The following ATG10 variants were observed in gnomAD, a reference collection of about 807,000 sequenced individuals.
The protein encoded by ATG10 is ubiquitin-like-conjugating enzyme ATG10.
A neutral mutation model predicts 32.1 loss-of-function variants in ATG10; 30 were observed. The ratio of observed to expected loss-of-function variants is 0.94; its 90% CI spans 0.70 to 1.27. ATG10 has a LOEUF of 1.27. ATG10 is among the 50% of genes most tolerant of loss of function. ATG10 has a pLI of 0.00. For missense variants in ATG10, 233 were observed against 262.3 expected, an observed-to-expected ratio of 0.89 and a Z score of 0.77; for synonymous variants, 87 against 91.5, an observed-to-expected ratio of 0.95 and a Z score of 0.28.
At chr5:82,025,973 T>A (rs1762582148) in intron 2 of ATG10, among the ~76,000 whole-genome samples, 1 of 152,226 alleles carries the variant, frequency 6.6e-6, no homozygotes, top group African/African-American at 2.4e-5. Context: ...AGAAAAATTT[T>A]AATTTTGGTA....
intron 5 of ATG10, among the ~76,000 whole-genome samples, chr5:82,187,221 T>C (rs891049201): frequency 4.0e-5 from 6 of 150,262 alleles, no homozygotes; most frequent in African/African-American, 1.5e-4. Context: ...AAAAGGCATA[T>C]GGGCCAGGCA....
At chr5:82,169,729 G>A (rs981306276) in intron 4 of ATG10, among the ~76,000 whole-genome samples, 1 of 152,070 alleles carries the variant, frequency 6.6e-6, no homozygotes, top group Non-Finnish European at 1.5e-5. Flanking sequence ...CATGAATTTT[G>A]GTGAATTAAA....
chr5:82,205,080 G>C (rs967330505), intron 5 of ATG10, among the ~76,000 whole-genome samples: 2 of 152,218 alleles, frequency 1.3e-5, no homozygotes, highest in Admixed American at 6.5e-5. Context: ...AGAGATTCTT[G>C]AGCCCTGGAG....
At chr5:82,211,827 C>T (rs933154029) in intron 5 of ATG10, among the ~76,000 whole-genome samples, 1 of 152,246 alleles carries the variant, frequency 6.6e-6, no homozygotes, top group African/African-American at 2.4e-5. Context: ...ACTGTTACCA[C>T]CTCCACATCT....
intron 5 of ATG10, among the ~76,000 whole-genome samples, chr5:82,234,703 A>G (rs1007219114): frequency 6.6e-6 from 1 of 152,052 alleles, no homozygotes; most frequent in African/African-American, 2.4e-5. Context: ...TTATATGTCA[A>G]CCTCTTAGTA....
At chr5:82,224,478 G>A (rs1041402428) in intron 5 of ATG10, among the ~76,000 whole-genome samples, 1 of 152,186 alleles carries the variant, frequency 6.6e-6, no homozygotes, top group Non-Finnish European at 1.5e-5. Context: ...GGAGTAGTTA[G>A]AAATAATTTT....
At chr5:81,988,183 C>G (rs1038434952) in intron 2 of ATG10, among the ~76,000 whole-genome samples, 4 of 152,234 alleles carry the variant, frequency 2.6e-5, no homozygotes, top group African/African-American at 4.8e-5. Flanking sequence ...GTCCCCCACG[C>G]TGGAGTGCAG....
At chr5:82,141,508 G>T (rs1020381066) in intron 3 of ATG10, among the ~76,000 whole-genome samples, 1 of 151,456 alleles carries the variant, frequency 6.6e-6, no homozygotes, top group Non-Finnish European at 1.5e-5. Context: ...GTTTGGAGAG[G>T]GTATAAAAAT....
intron 5 of ATG10, among the ~76,000 whole-genome samples, chr5:82,236,772 C>A (rs1344909819): frequency 6.6e-6 from 1 of 152,122 alleles, no homozygotes; most frequent in Non-Finnish European, 1.5e-5. Context: ...AATTAACAGG[C>A]CAAAAATGTC....
intron 2 of ATG10, among the ~76,000 whole-genome samples, chr5:82,000,074 A>G (rs1343298778): frequency 2.0e-5 from 3 of 152,168 alleles, no homozygotes; most frequent in South Asian, 4.1e-4. Context: ...TCAACAAAAT[A>G]CTGGCAAACC....
intron 3 of ATG10, among the ~76,000 whole-genome samples, chr5:82,156,118 G>A (rs927462585): frequency 1.3e-5 from 2 of 149,896 alleles, no homozygotes; most frequent in African/African-American, 2.5e-5. Context: ...TAGGTTAATG[G>A]AAGTGCATTT....
intron 3 of ATG10, among the ~76,000 whole-genome samples, chr5:82,157,662 G>A (rs1767858123): frequency 6.6e-6 from 1 of 152,166 alleles, no homozygotes; most frequent in African/African-American, 2.4e-5. Flanking sequence ...ATTTTTCAGT[G>A]GTTTATCAGA....
Position 82,254,927 on chromosome 5 carries a change from T to TGTGTGTGG in ATG10, c.*865_*866insTGTGTGGG, listed in dbSNP as rs1408989493. ...GTGTGTGTGTGTGTGTGTGTATGTG[T>TGTGTGTGG]GGGTGTTTGTGTAGATAGTTGTAAA... On this transcript the variant is annotated 3_prime_UTR_variant, in exon 8 of 8. Coordinates refer to ENST00000282185, the MANE Select transcript of ATG10 (RefSeq NM_031482.5). 6.6e-6 allele frequency: 1 copy of TGTGTGTGG among 151,902 alleles called. No homozygotes were observed. The highest frequency in any genetic ancestry group is 2.1e-4 in the South Asian group (1 of 4,808). 9.4% of individuals were successfully genotyped at this position (151,902 alleles called of 1,614,324 possible). A position where few individuals can be genotyped will look rare whatever the true frequency, so the allele number is the denominator to read the frequency against.
At chr5:82,073,793 C>CGA (rs1764196249) in intron 3 of ATG10, 2 of 152,312 alleles carry the variant, frequency 1.3e-5, no homozygotes, top group South Asian at 4.1e-4. Flanking sequence ...TCATTACAAT[C>CGA]CCTACCTCGC....
chr5:81,984,587 G>T (rs1389116781), intron 1 of ATG10, among the ~76,000 whole-genome samples: 9 of 152,342 alleles, frequency 5.9e-5, no homozygotes, highest in Non-Finnish European at 1.0e-4. Flanking sequence ...ACATATCTAA[G>T]ATTTTTCATT....
intron 3 of ATG10, among the ~76,000 whole-genome samples, chr5:82,130,875 G>T (rs1202754738): frequency 6.6e-6 from 1 of 152,136 alleles, no homozygotes; most frequent in East Asian, 1.9e-4. Context: ...CATAGGAAAA[G>T]TTGTAAAAGT....
chr5:82,173,052 T>C (rs1743865123), intron 4 of ATG10, among the ~76,000 whole-genome samples: 1 of 152,204 alleles, frequency 6.6e-6, no homozygotes, highest in Admixed American at 6.5e-5. Flanking sequence ...ACATTTTTTG[T>C]TGTGAAAAAT....
intron 2 of ATG10, among the ~76,000 whole-genome samples, chr5:81,997,311 G>A (rs1561246430): frequency 6.6e-6 from 1 of 152,186 alleles, no homozygotes; most frequent in Non-Finnish European, 1.5e-5. Flanking sequence ...AACCTTGTGG[G>A]GCCAGAGAAC....
chr5:82,196,979 G>A (rs1320306350), intron 5 of ATG10, among the ~76,000 whole-genome samples: 1 of 152,158 alleles, frequency 6.6e-6, no homozygotes, highest in Non-Finnish European at 1.5e-5. Flanking sequence ...ACTTCAATTT[G>A]AGGAGAATTG....
Sources: allele counts gnomAD v4.1 joint callset (sites outside exome capture counted in the v4.1 genomes callset), GRCh38; gene constraint gnomAD v4.1.1; transcripts MANE v1.5; gene names NCBI Gene and HGNC (gene_info 2026-07-23, HGNC 2026-07-21).